The following MBNL1 variants were observed in gnomAD, a reference collection of about 807,000 sequenced individuals.
MBNL1 encodes muscleblind like splicing regulator 1.
In MBNL1, 8 loss-of-function variants were observed where a neutral mutation model predicts 42.2. The observed-to-expected ratio is 0.19, with a 90% CI of 0.11 to 0.34. The LOEUF is 0.34. MBNL1 is among the 10% of genes least tolerant of loss of function. The pLI is 1.00. For synonymous variants in MBNL1, 169 were observed against 173.9 expected (o/e 0.97, Z 0.22); for missense variants, 309 against 495.3 (o/e 0.62, Z 3.57).
At chr3:152,380,684 C>T (rs549253642) in intron 2 of MBNL1, among the ~76,000 whole-genome samples, 1 of 152,028 alleles carries the variant, frequency 6.6e-6, no homozygotes, top group Admixed American at 6.6e-5. Flanking sequence ...TGCATTTTCA[C>T]ATTATGTACT....
intron 1 of MBNL1, chr3:152,269,715 CTTT>C (rs869305739): frequency 5.3e-5 from 12 of 228,318 alleles, no homozygotes; most frequent in Middle Eastern, 4.5e-4. Context: ...CTGCCTCCTC[CTTT>C]TCTTCTTCTT....
At chr3:152,269,629 T>C (rs1009697948) in intron 1 of MBNL1, 16 of 401,070 alleles carry the variant, frequency 4.0e-5, no homozygotes, top group Non-Finnish European at 7.6e-5. Context: ...GGCTGCCTTA[T>C]ATGGAGAGTG....
intron 2 of MBNL1, among the ~76,000 whole-genome samples, chr3:152,405,745 A>G (rs1045646787): frequency 1.3e-5 from 2 of 152,294 alleles, no homozygotes; most frequent in South Asian, 4.1e-4. Context: ...TAATGGTACA[A>G]TGATAAATTG....
Position 152,465,297 on chromosome 3 carries a change from A to G in MBNL1, c.*2931A>G, listed in dbSNP as rs550378516. On this transcript the variant is annotated 3_prime_UTR_variant, in exon 10 of 10. Coordinates refer to ENST00000324210, the MANE Select transcript of MBNL1 (RefSeq NM_021038.5). Reference sequence around the variant, plus strand: ...TTTATTGTTCACAAAAAAATCTTCAAAACAAGTATTGACTTTCACAAAATT... The same window carrying G: ...TTTATTGTTCACAAAAAAATCTTCAGAACAAGTATTGACTTTCACAAAATT... 1.3e-5 allele frequency: 2 copies of G among 152,450 alleles called. No homozygotes were observed. The highest frequency in any genetic ancestry group is 1.9e-4 in the East Asian group (1 of 5,194). The allele number at this position is 152,450 out of a possible 1,614,324, so 9.4% of individuals were successfully genotyped here.
At chr3:152,417,654 A>T (rs1437397219) in intron 3 of MBNL1, among the ~76,000 whole-genome samples, 1 of 152,142 alleles carries the variant, frequency 6.6e-6, no homozygotes, top group South Asian at 2.1e-4. Flanking sequence ...GCAGAGATCA[A>T]TAATTACTTG....
intron 2 of MBNL1, among the ~76,000 whole-genome samples, chr3:152,333,614 T>C (rs2086978210): frequency 3.3e-5 from 5 of 152,246 alleles, no homozygotes; most frequent in Admixed American, 2.6e-4. Context: ...TAACATTATA[T>C]GCCTCAGATT....
intron 7 of MBNL1, among the ~76,000 whole-genome samples, chr3:152,455,929 T>C (rs1732750494): frequency 6.6e-6 from 1 of 152,232 alleles, no homozygotes; most frequent in South Asian, 2.1e-4. Context: ...AGTAAATACT[T>C]GTATTTTGAC....
chr3:152,445,155 G>GT (rs2099204851), intron 4 of MBNL1, 127 bp from the exon 5 acceptor site: 1 of 730,006 alleles, frequency 1.4e-6, no homozygotes, highest in East Asian at 2.6e-5. Flanking sequence ...TTGTTGCCTT[G>GT]TTTGAAAATC....
intron 2 of MBNL1, among the ~76,000 whole-genome samples, chr3:152,309,516 CTTATA>C (rs2065162904): frequency 6.6e-6 from 1 of 152,180 alleles, no homozygotes; most frequent in Non-Finnish European, 1.5e-5. Context: ...CTCAGAATCA[CTTATA>C]CTTAAGTCCA....
At chr3:152,406,698 T>C (rs2098437835) in intron 2 of MBNL1, among the ~76,000 whole-genome samples, 1 of 152,168 alleles carries the variant, frequency 6.6e-6, no homozygotes. Flanking sequence ...TGTGTTGATA[T>C]TGCGTCAATA....
chr3:152,440,860 C>T (rs942355756), intron 4 of MBNL1, among the ~76,000 whole-genome samples: 1 of 152,158 alleles, frequency 6.6e-6, no homozygotes, highest in African/African-American at 2.4e-5. Context: ...TCTAGGATTA[C>T]TTTTTAAAGT....
intron 2 of MBNL1, among the ~76,000 whole-genome samples, chr3:152,254,372 C>A (rs2035137681): frequency 1.3e-5 from 2 of 152,034 alleles, no homozygotes; most frequent in Non-Finnish European, 2.9e-5. Flanking sequence ...CATTTCTTGC[C>A]CCATTGCCTC....
intron 2 of MBNL1, among the ~76,000 whole-genome samples, chr3:152,367,412 T>C (rs543240779): frequency 8.2e-4 from 125 of 152,322 alleles, no homozygotes; most frequent in African/African-American, 2.7e-3. Context: ...CACATTTTCT[T>C]TATCCAGTCT....
At chr3:152,455,889 TTTCA>T (rs1024295841) in intron 7 of MBNL1, among the ~76,000 whole-genome samples, 1 of 152,198 alleles carries the variant, frequency 6.6e-6, no homozygotes, top group East Asian at 1.9e-4. Flanking sequence ...AAAAAAATAC[TTTCA>T]TTCAAACAGA....
At chr3:152,396,058 A>G (rs955324421) in intron 2 of MBNL1, 4 of 171,560 alleles carry the variant, frequency 2.3e-5, no homozygotes, top group Non-Finnish European at 3.7e-5. Flanking sequence ...TTGGATTCTC[A>G]TAGGAGTGTG....
intron 2 of MBNL1, among the ~76,000 whole-genome samples, chr3:152,258,558 C>G (rs916162227): frequency 1.3e-5 from 2 of 152,156 alleles, no homozygotes; most frequent in Admixed American, 1.3e-4. Context: ...CAGCCAACAA[C>G]AAAGGCAGCA....
At chr3:152,415,647 A>G (rs533745198) in intron 3 of MBNL1, among the ~76,000 whole-genome samples, 108 of 152,210 alleles carry the variant, frequency 7.1e-4, no homozygotes, top group Non-Finnish European at 1.4e-3. Context: ...TAGTAAATCA[A>G]TATCATAGAC....
intron 2 of MBNL1, among the ~76,000 whole-genome samples, chr3:152,371,174 A>G (rs1448974488): frequency 6.6e-6 from 1 of 152,054 alleles, no homozygotes; most frequent in East Asian, 1.9e-4. Context: ...CCTTCAGAAG[A>G]TCTTGTAAGG....
chr3:152,331,901 A>G (rs1379110513), intron 2 of MBNL1, among the ~76,000 whole-genome samples: 3 of 152,090 alleles, frequency 2.0e-5, no homozygotes, highest in South Asian at 2.1e-4. Context: ...TATGTTGGCC[A>G]GGCTGGTCTT....
Sources: gnomAD v4.1 joint callset for allele counts (sites outside exome capture counted in the v4.1 genomes callset) on GRCh38, gnomAD v4.1.1 for gene constraint, MANE v1.5 for transcripts, NCBI Gene and HGNC (gene_info 2026-07-23, HGNC 2026-07-21) for gene names.